B4GALT5: variants seen among roughly 807,000 people sequenced by gnomAD.
The protein encoded by B4GALT5 is UDP-Gal:beta-GlcNAc beta-1,4-galactosyltransferase 5.
A neutral mutation model predicts 45.0 loss-of-function variants in B4GALT5; 11 were observed. The observed-to-expected ratio is 0.24, with a 90% CI of 0.15 to 0.40. B4GALT5 has a LOEUF of 0.40. Ranked by LOEUF, B4GALT5 falls within the 10% of genes least tolerant of loss-of-function variation. The probability of loss-of-function intolerance (pLI) is 1.00; values close to 1 mark genes in which losing one functional copy is unlikely to be tolerated. For synonymous variants in B4GALT5, 185 were observed against 182.9 expected, an observed-to-expected ratio of 1.01 and a Z score of -0.09; for missense variants, 337 against 500.2, an observed-to-expected ratio of 0.67 and a Z score of 3.11.
In B4GALT5 at chr20:49,713,623, G is replaced by C. The variant is rs767097323; in HGVS notation, c.68C>G (p.Ser23Cys). 40 of 1,588,554 alleles carry C rather than the reference G, an allele frequency of 2.5e-5. No homozygotes were observed. Among genetic ancestry groups the C allele is most frequent in the Non-Finnish European group, 3.1e-5 (36 of 1,169,422 alleles). The change falls in exon 1 of 9, where the codon TCT becomes TGT. Residue 23 changes from serine (S) to cysteine (C), a missense_variant. Coordinates refer to ENST00000371711, the MANE Select transcript of B4GALT5 (RefSeq NM_004776.4). ...GAAGTACAGCAGCGAGGACGAGAGA[G>C]AAAAGAAGAAGAGCGCGGCGAGCAG... is the stretch of plus-strand genomic sequence containing the variant. ...RSLLAALFFFSLSSSLLYFVY... is the reference protein window; with the variant it reads ...RSLLAALFFFCLSSSLLYFVY...
chr20:49,675,045 A>G (rs2085731852), intron 1 of B4GALT5, among the ~76,000 whole-genome samples: 1 of 152,186 alleles, frequency 6.6e-6, no homozygotes, highest in Admixed American at 6.5e-5. Context: ...ATAATCTATC[A>G]CAACAAAAGC....
intron 1 of B4GALT5, among the ~76,000 whole-genome samples, chr20:49,704,802 T>C (rs1486732819): frequency 6.6e-6 from 1 of 151,540 alleles, no homozygotes; most frequent in African/African-American, 2.4e-5. Context: ...TACTCCACAA[T>C]ATTTTTCATC....
intron 1 of B4GALT5, among the ~76,000 whole-genome samples, chr20:49,657,271 G>A (rs1168356165): frequency 6.6e-6 from 1 of 152,172 alleles, no homozygotes; most frequent in Non-Finnish European, 1.5e-5. Flanking sequence ...ACTATTTGCA[G>A]TCCTCACTAT....
At chr20:49,662,186 G>A (rs773727676) in intron 1 of B4GALT5, among the ~76,000 whole-genome samples, 2 of 152,082 alleles carry the variant, frequency 1.3e-5, no homozygotes, top group Non-Finnish European at 2.9e-5. Flanking sequence ...TAAGCTAAAA[G>A]AGGGTTCAGA....
intron 1 of B4GALT5, among the ~76,000 whole-genome samples, chr20:49,689,026 A>G (rs2085798949): frequency 6.6e-6 from 1 of 152,118 alleles, no homozygotes; most frequent in Non-Finnish European, 1.5e-5. Context: ...AAGCTATGCC[A>G]TCAGAAAACA....
intron 1 of B4GALT5, among the ~76,000 whole-genome samples, chr20:49,658,149 A>C (rs928973948): frequency 6.6e-6 from 1 of 152,172 alleles, no homozygotes; most frequent in Admixed American, 6.5e-5. Context: ...GTCGGAGAAT[A>C]GATCAGATAT....
At chr20:49,639,297 T>C (rs976689088) in intron 7 of B4GALT5, among the ~76,000 whole-genome samples, 1 of 152,206 alleles carries the variant, frequency 6.6e-6, no homozygotes, top group African/African-American at 2.4e-5. Context: ...GTTTGTTTTT[T>C]AAGATATTAA....
intron 1 of B4GALT5, among the ~76,000 whole-genome samples, chr20:49,706,785 T>C (rs988799233): frequency 6.6e-6 from 1 of 152,194 alleles, no homozygotes; most frequent in Non-Finnish European, 1.5e-5. Flanking sequence ...TCTCTATTTC[T>C]CTGACAGGCC....
In B4GALT5 at chr20:49,639,742, T is replaced by C; in HGVS notation, c.853A>G (p.Lys285Glu). 2.5e-6 allele frequency: 4 copies of C among 1,613,816 alleles called. No homozygotes were observed. Among genetic ancestry groups the C allele is most frequent in the Admixed American group, 1.7e-5 (1 of 60,010 alleles). The change falls in exon 7 of 9, where the codon AAA becomes GAA. Residue 285 changes from lysine to glutamate, a missense_variant. By Grantham distance (56) the Lys-to-Glu change is moderately conservative. This residue lies in a region of B4GALT5 where 163 missense variants were observed against 292.8 expected (regional missense o/e 0.56). Coordinates refer to ENST00000371711, the MANE Select transcript of B4GALT5 (RefSeq NM_004776.4). ...AAAGCATTAGGAAAGCCATTGATTT[T>C]CCGAAATTGTTCCACTGTTAAGCCA... ...VSGLTVEQFRKINGFPNAFWG... is the reference protein window; with the variant it reads ...VSGLTVEQFREINGFPNAFWG...
At chr20:49,668,734 G>A (rs79824277) in intron 1 of B4GALT5, among the ~76,000 whole-genome samples, 4 of 151,808 alleles carry the variant, frequency 2.6e-5, no homozygotes, top group African/African-American at 7.3e-5. Context: ...GCACCCCCTC[G>A]TCCTAATCTC....
chr20:49,663,690 A>AAAT lies in B4GALT5; in HGVS notation c.116-6989_116-6988insATT, dbSNP rs1555812124. Among the ~76,000 whole-genome samples, 8 of 96,962 alleles carry AAAT rather than the reference A, an allele frequency of 8.3e-5. 1 individual carries two copies. The highest frequency in any genetic ancestry group is 2.2e-4 in the Admixed American group (2 of 9,262). 63.6% of individuals were successfully genotyped at this position (96,962 alleles called of 152,430 possible). A position where few individuals can be genotyped will look rare whatever the true frequency, so the allele number is the denominator to read the frequency against. On this transcript the variant is annotated intron_variant, in intron 1 of 8. Transcript: ENST00000371711. ...TTCATCTCAAGAAAAAAAAAAAAAA[A>AAAT]ATATATACATATATATATATATATA...
chr20:49,712,495 G>A (rs2085917882), intron 1 of B4GALT5, among the ~76,000 whole-genome samples: 1 of 152,108 alleles, frequency 6.6e-6, no homozygotes, highest in Admixed American at 6.6e-5. Context: ...AGTTTCTCCA[G>A]AGACCGCCTT....
intron 1 of B4GALT5, among the ~76,000 whole-genome samples, chr20:49,667,274 C>T (rs1403673821): frequency 1.0e-4 from 15 of 147,478 alleles, no homozygotes; most frequent in Non-Finnish European, 8.9e-5. Flanking sequence ...TTTTTTGAGA[C>T]GGACTCTCGC....
intron 8 of B4GALT5, among the ~76,000 whole-genome samples, chr20:49,636,849 G>T (rs1236953663): frequency 6.6e-6 from 1 of 151,452 alleles, no homozygotes; most frequent in African/African-American, 2.4e-5. Flanking sequence ...CATGAAAACA[G>T]AATTTCAGCA....
chr20:49,711,161 A>C (rs532530742), intron 1 of B4GALT5, among the ~76,000 whole-genome samples: 15 of 152,140 alleles, frequency 9.9e-5, no homozygotes, highest in African/African-American at 3.6e-4. Context: ...CCCCTTTCTC[A>C]CGAACAAAAT....
At chr20:49,712,913 T>C (rs1164844988) in intron 1 of B4GALT5, among the ~76,000 whole-genome samples, 1 of 131,416 alleles carries the variant, frequency 7.6e-6, no homozygotes, top group African/African-American at 2.9e-5. Context: ...TGGACCTCTG[T>C]AAGGGGAAGG....
chr20:49,644,794 A>G (rs2085592342), intron 3 of B4GALT5, among the ~76,000 whole-genome samples: 1 of 152,212 alleles, frequency 6.6e-6, no homozygotes, highest in South Asian at 2.1e-4. Context: ...TTAATTATTC[A>G]TATATGGATG....
At chr20:49,668,787 G>A (rs540188979) in intron 1 of B4GALT5, among the ~76,000 whole-genome samples, 1 of 151,942 alleles carries the variant, frequency 6.6e-6, no homozygotes, top group East Asian at 1.9e-4. Flanking sequence ...CCCTGTCCCT[G>A]AATTGCCTTG....
At chr20:49,667,137 C>T (rs946479946) in intron 1 of B4GALT5, among the ~76,000 whole-genome samples, 10 of 152,194 alleles carry the variant, frequency 6.6e-5, no homozygotes, top group African/African-American at 2.4e-4. Context: ...AACAAACATG[C>T]TCTACTGCCT....
Sources: gnomAD v4.1 joint callset for allele counts (sites outside exome capture counted in the v4.1 genomes callset) on GRCh38, gnomAD v4.1.1 for gene constraint, gnomAD v4.1.1 regional missense constraint, MANE v1.5 for transcripts, NCBI Gene and HGNC (gene_info 2026-07-23, HGNC 2026-07-21) for gene names.